THSD7A: variants seen among roughly 807,000 people sequenced by gnomAD.
The protein encoded by THSD7A is thrombospondin type-1 domain-containing protein 7A.
Under a neutral mutation model 231.3 loss-of-function variants are expected in THSD7A, and 96 were observed. That is an observed-to-expected ratio of 0.41 (90% CI 0.35 to 0.49). The LOEUF (loss-of-function observed/expected upper bound fraction) is 0.49. Among genes scored for constraint, THSD7A ranks in the 20% least tolerant of loss-of-function variants. The probability of loss-of-function intolerance (pLI) is 0.05; values close to 1 mark genes in which losing one functional copy is unlikely to be tolerated. For synonymous variants in THSD7A, 940 were observed against 743.3 expected (o/e 1.26, Z -4.30); for missense variants, 2,290 against 2,070.2 (o/e 1.11, Z -2.06).
At chr7:11,522,326 A>G (rs907689170) in intron 6 of THSD7A, among the ~76,000 whole-genome samples, 2 of 152,188 alleles carry the variant, frequency 1.3e-5, no homozygotes, top group Non-Finnish European at 2.9e-5. Flanking sequence ...TGAAGTAGGT[A>G]ACTTTCACCT....
chr7:11,827,357 T>C lies in THSD7A; in HGVS notation c.190+4400A>G, dbSNP rs180987823. 6.6e-5 allele frequency among the ~76,000 whole-genome samples: 10 copies of C among 152,300 alleles called. No homozygotes were observed. In the East Asian group the frequency reaches 9.6e-4, roughly 15 times the overall value. ...TATATCTCTACCTCTATACCTAAAA[T>C]GTCGTTTCCCAAAACACTGTGAATT... On this transcript the variant is annotated intron_variant, in intron 1 of 27. Coordinates refer to ENST00000423059, the MANE Select transcript of THSD7A (RefSeq NM_015204.3).
intron 1 of THSD7A, among the ~76,000 whole-genome samples, chr7:11,656,982 T>G (rs189752883): frequency 1.3e-5 from 2 of 152,018 alleles, no homozygotes; most frequent in Admixed American, 1.3e-4. Flanking sequence ...AATTCCATGT[T>G]ACTCAATTGT....
intron 1 of THSD7A, among the ~76,000 whole-genome samples, chr7:11,680,097 G>T (rs1783810201): frequency 1.3e-5 from 2 of 151,810 alleles, no homozygotes; most frequent in Non-Finnish European, 2.9e-5. Context: ...AAAAGTAATG[G>T]GGAAAGGATT....
intron 6 of THSD7A, among the ~76,000 whole-genome samples, chr7:11,540,856 C>G (rs970959236): frequency 1.2e-4 from 18 of 152,194 alleles, no homozygotes; most frequent in Non-Finnish European, 1.6e-4. Flanking sequence ...TATCCAGTGG[C>G]TCTAGGACAT....
At position 11,444,309 on chromosome 7, in the gene THSD7A, C is replaced by T. The variant is rs930139399; in HGVS notation, c.3064+1752G>A. On this transcript the variant is annotated intron_variant, in intron 13 of 27. Coordinates refer to ENST00000423059, the MANE Select transcript of THSD7A (RefSeq NM_015204.3). The surrounding 1 kb of genome is among the most constrained non-coding windows in gnomAD (Gnocchi z 4.2). Reference sequence around the variant, plus strand: ...GCAATCCCATTACTGGGTATATACCCGAAGGATTATAAATCATTCTACTAT... The same window carrying T: ...GCAATCCCATTACTGGGTATATACCTGAAGGATTATAAATCATTCTACTAT... 2.0e-5 allele frequency among the ~76,000 whole-genome samples: 3 copies of T among 151,998 alleles called. No individual in the cohort carries two copies. The highest frequency in any genetic ancestry group is 2.9e-5 in the Non-Finnish European group (2 of 67,996).
chr7:11,503,358 C>A (rs1787416561), intron 6 of THSD7A, among the ~76,000 whole-genome samples: 1 of 152,124 alleles, frequency 6.6e-6, no homozygotes, highest in Admixed American at 6.5e-5. Flanking sequence ...TATAAAAACC[C>A]TGGAAGACAA....
At chr7:11,779,658 G>A (rs1048287932) in intron 1 of THSD7A, among the ~76,000 whole-genome samples, 1 of 152,122 alleles carries the variant, frequency 6.6e-6, no homozygotes, top group Non-Finnish European at 1.5e-5. Context: ...ACCACTCAAT[G>A]TCTATTTTTG....
In THSD7A at chr7:11,550,385, GT is replaced by G. The variant is rs570715822; in HGVS notation, c.1454-7269del. Among the ~76,000 whole-genome samples the G allele has an allele frequency of 4.0e-3, 607 of 152,192 alleles. 3 individuals carry two copies. Among genetic ancestry groups the G allele is most frequent in the African/African-American group, 0.014 (579 of 41,534 alleles). On this transcript the variant is annotated intron_variant, in intron 4 of 27. Coordinates refer to ENST00000423059, the MANE Select transcript of THSD7A (RefSeq NM_015204.3). ...TTCTATGCTCTTGAATAGTGACATG[GT>G]TTTTTTCTGTGTCCCCACCCAAATC... is the stretch of plus-strand genomic sequence containing the variant.
At chr7:11,803,161 C>A (rs1229453102) in intron 1 of THSD7A, among the ~76,000 whole-genome samples, 1 of 152,080 alleles carries the variant, frequency 6.6e-6, no homozygotes, top group African/African-American at 2.4e-5. Context: ...CAACAGGCAG[C>A]AGCATGTTCA....
At chr7:11,513,057 C>A (rs1427713934) in intron 6 of THSD7A, among the ~76,000 whole-genome samples, 1 of 150,434 alleles carries the variant, frequency 6.6e-6, no homozygotes, top group Non-Finnish European at 1.5e-5. Context: ...GTAACTCAGG[C>A]ATGGAAAACC....
intron 2 of THSD7A, among the ~76,000 whole-genome samples, chr7:11,609,337 C>T (rs1164302483): frequency 2.6e-5 from 4 of 152,018 alleles, no homozygotes. Flanking sequence ...TGCCCCGGCC[C>T]ATGAAACCTT....
intron 1 of THSD7A, among the ~76,000 whole-genome samples, chr7:11,726,587 T>C (rs1781556097): frequency 6.6e-6 from 1 of 151,986 alleles, no homozygotes; most frequent in Non-Finnish European, 1.5e-5. Context: ...CCTTTTGCAT[T>C]AACTTGATTG....
chr7:11,832,139 T>G lies in THSD7A; in HGVS notation c.-193A>C. The G allele has an allele frequency of 6.3e-5, 21 of 332,412 alleles. No individual in the cohort carries two copies. Among genetic ancestry groups the G allele is most frequent in the East Asian group, 5.1e-5 (1 of 19,654 alleles). The allele number at this position is 332,412 out of a possible 1,614,324, so 20.6% of individuals were successfully genotyped here. A position where few individuals can be genotyped will look rare whatever the true frequency, so the allele number is the denominator to read the frequency against. On this transcript the variant is annotated 5_prime_UTR_variant, in exon 1 of 28. Coordinates refer to ENST00000423059, the MANE Select transcript of THSD7A (RefSeq NM_015204.3). ...CGTCCGCGGTGGTGGCCGTGGCCGC[T>G]GCCGCCGCCGCCGCCGCCTCTGGCG... is the stretch of plus-strand genomic sequence containing the variant.
In THSD7A at chr7:11,521,069, A is replaced by T. The variant is rs1451180388; in HGVS notation, c.1822+20350T>A. On this transcript the variant is annotated intron_variant, in intron 6 of 27. Transcript: ENST00000423059. ...AAAATGTATGTGCTTTTATTGAAGA[A>T]TTTTAAAAACATCACCAATCAGCCT... Among the ~76,000 whole-genome samples, 3 of 152,168 alleles carry T rather than the reference A, an allele frequency of 2.0e-5. No homozygotes were observed. In the East Asian group the frequency reaches 5.8e-4, roughly 29 times the overall value.
chr7:11,680,925 A>C (rs1205325654), intron 1 of THSD7A, among the ~76,000 whole-genome samples: 1 of 152,184 alleles, frequency 6.6e-6, no homozygotes, highest in African/African-American at 2.4e-5. Flanking sequence ...AGCACTTTTC[A>C]CAACAACAAA....
chr7:11,439,210 T>G (rs1194846437), intron 13 of THSD7A, among the ~76,000 whole-genome samples: 1 of 152,016 alleles, frequency 6.6e-6, no homozygotes, highest in Non-Finnish European at 1.5e-5. Flanking sequence ...TTACACAGAG[T>G]AATAAAACTT....
intron 2 of THSD7A, among the ~76,000 whole-genome samples, chr7:11,635,091 C>A (rs887026942): frequency 3.3e-5 from 5 of 152,064 alleles, no homozygotes; most frequent in African/African-American, 1.2e-4. Flanking sequence ...TTCCAGAGGC[C>A]ATAAGAAAAA....
At chr7:11,744,615 C>T (rs1782221751) in intron 1 of THSD7A, among the ~76,000 whole-genome samples, 1 of 137,728 alleles carries the variant, frequency 7.3e-6, no homozygotes, top group African/African-American at 2.7e-5. Context: ...ACAACAGGCC[C>T]CAGTGTGTGA....
chr7:11,380,621 C>T (rs551804848), intron 24 of THSD7A, among the ~76,000 whole-genome samples: 5 of 152,242 alleles, frequency 3.3e-5, no homozygotes, highest in African/African-American at 1.2e-4. Context: ...ATTGGCCACA[C>T]TGAAGTTATT....
Sources: gnomAD v4.1 joint callset for allele counts (sites outside exome capture counted in the v4.1 genomes callset) on GRCh38, gnomAD v4.1.1 for gene constraint, Gnocchi (gnomAD v3.1) non-coding constraint, MANE v1.5 for transcripts, NCBI Gene and HGNC (gene_info 2026-07-23, HGNC 2026-07-21) for gene names.